EYS: variants seen among roughly 807,000 people sequenced by gnomAD.
EYS encodes protein eyes shut homolog.
In EYS, 250 loss-of-function variants were observed where a neutral mutation model predicts 282.1. That is an observed-to-expected ratio of 0.89 (90% CI 0.80 to 0.98). The LOEUF (loss-of-function observed/expected upper bound fraction) is 0.98. EYS is among the 50% of genes least tolerant of loss of function. The pLI is 0.00. For missense variants in EYS, 4,016 were observed against 3,709.0 expected, an observed-to-expected ratio of 1.08 and a Z score of -2.15; for synonymous variants, 1,355 against 1,282.9, an observed-to-expected ratio of 1.06 and a Z score of -1.20.
chr6:65,569,877 C>G (rs1434505068), intron 2 of EYS, among the ~76,000 whole-genome samples: 1 of 152,120 alleles, frequency 6.6e-6, no homozygotes, highest in Non-Finnish European at 1.5e-5. Flanking sequence ...TCAGACTGCT[C>G]TGTGTGAATT....
At chr6:64,626,411 T>C (rs1359185621) in intron 22 of EYS, among the ~76,000 whole-genome samples, 166 bp from the exon 23 acceptor site, 1 of 152,110 alleles carries the variant, frequency 6.6e-6, no homozygotes, top group Non-Finnish European at 1.5e-5. Flanking sequence ...CCCAAAACAG[T>C]ATGTCTAATA....
chr6:65,012,450 C>G (rs1771903723), intron 13 of EYS, among the ~76,000 whole-genome samples: 1 of 152,160 alleles, frequency 6.6e-6, no homozygotes, highest in Non-Finnish European at 1.5e-5. Flanking sequence ...AAACGCCTGG[C>G]TGAATACTTT....
intron 22 of EYS, among the ~76,000 whole-genome samples, chr6:64,686,838 C>CACACACATATATACGT (rs1770145716): frequency 7.1e-5 from 1 of 14,160 alleles, no homozygotes; most frequent in African/African-American, 1.5e-4. Flanking sequence ...TATATATATA[C>CACACACATATATACGT]GTGTATATAT....
Position 64,394,592 on chromosome 6 carries a change from A to C in EYS, c.5928-5752T>G, listed in dbSNP as rs542193728. 9.9e-5 allele frequency among the ~76,000 whole-genome samples: 15 copies of C among 152,150 alleles called. No homozygotes were observed. In the East Asian group the frequency reaches 2.9e-3, roughly 29 times the overall value. ...TGGCTAGCCATATGTAGAAAGCTGAAACTGGATCCCTTCCTTACACCTTAT... is the reference window on the plus strand; with the variant it reads ...TGGCTAGCCATATGTAGAAAGCTGACACTGGATCCCTTCCTTACACCTTAT... On this transcript the variant is annotated intron_variant, in intron 28 of 42. Transcript: ENST00000503581.
intron 12 of EYS, among the ~76,000 whole-genome samples, chr6:65,222,668 C>A (rs182913209): frequency 5.3e-5 from 8 of 152,260 alleles, no homozygotes; most frequent in Admixed American, 5.2e-4. Flanking sequence ...TACAAGGATG[C>A]ATATATAGTG....
chr6:64,504,547 A>C (rs1280362336), intron 26 of EYS, among the ~76,000 whole-genome samples: 1 of 152,210 alleles, frequency 6.6e-6, no homozygotes, highest in African/African-American at 2.4e-5. Context: ...TACTGCTGTC[A>C]GAAAACTCAC....
At chr6:65,028,904 C>T (rs951803058) in intron 13 of EYS, among the ~76,000 whole-genome samples, 1 of 152,060 alleles carries the variant, frequency 6.6e-6, no homozygotes, top group East Asian at 1.9e-4. Context: ...TAAGGAAGAG[C>T]TTTGCCTTTA....
At chr6:65,435,629 A>G (rs757024988) in intron 5 of EYS, among the ~76,000 whole-genome samples, 1 of 152,110 alleles carries the variant, frequency 6.6e-6, no homozygotes, top group African/African-American at 2.4e-5. Flanking sequence ...ATCTACAATT[A>G]TCTCTAAATG....
At chr6:64,411,879 T>C (rs1561980248) in intron 28 of EYS, among the ~76,000 whole-genome samples, 1 of 151,680 alleles carries the variant, frequency 6.6e-6, no homozygotes, top group Non-Finnish European at 1.5e-5. Flanking sequence ...TATATGTATG[T>C]AATATATACA....
Position 64,412,146 on chromosome 6 carries a change from A to G in EYS, c.5928-23306T>C, listed in dbSNP as rs1470035523. ...AAATATGGCCAATAAAATGTAATTAAAATCTATATATCAAAATTTTGCCTA... is the reference window on the plus strand; with the variant it reads ...AAATATGGCCAATAAAATGTAATTAGAATCTATATATCAAAATTTTGCCTA... On this transcript the variant is annotated intron_variant, in intron 28 of 42. Transcript: ENST00000503581. Among the ~76,000 whole-genome samples the G allele has an allele frequency of 2.6e-5, 4 of 151,998 alleles. No individual in the cohort carries two copies. In the East Asian group the frequency reaches 5.8e-4, roughly 22 times the overall value.
At chr6:64,765,348 CA>C (rs1773289795) in intron 22 of EYS, among the ~76,000 whole-genome samples, 1 of 152,168 alleles carries the variant, frequency 6.6e-6, no homozygotes, top group African/African-American at 2.4e-5. Context: ...CCATTTTGGT[CA>C]AAGCCATGCC....
At chr6:65,690,510 G>A (rs1236842142) in intron 1 of EYS, among the ~76,000 whole-genome samples, 2 of 150,006 alleles carry the variant, frequency 1.3e-5, no homozygotes, top group Non-Finnish European at 3.0e-5. Flanking sequence ...CTGACTGCAC[G>A]TCCATTCATA....
At chr6:64,425,657 GA>G (rs34577912) in intron 28 of EYS, among the ~76,000 whole-genome samples, 702 of 67,798 alleles carry the variant, frequency 0.01, no homozygotes, top group African/African-American at 0.019. Flanking sequence ...TCCATCCCAG[GA>G]AAAAAAAAAA....
rs1426436366 is a variant in EYS, at chr6:63,721,089, G to T, written c.8942C>A (p.Thr2981Asn). The T allele has an allele frequency of 6.4e-7, 1 of 1,551,254 alleles. No individual in the cohort carries two copies. ...AGTGGTACTGAAATTTAAGGATATAGTAGTGAACTGGAGGTTTCTCATTCT... is the reference window on the plus strand; with the variant it reads ...AGTGGTACTGAAATTTAAGGATATATTAGTGAACTGGAGGTTTCTCATTCT... Reference protein sequence around the residue: ...NYRMRNLQFTTISLNFSTTKT... With the variant: ...NYRMRNLQFTNISLNFSTTKT... The change falls in exon 43 of 43, where the codon ACT becomes AAT. Residue 2981 changes from threonine to asparagine, a missense_variant. Coordinates refer to ENST00000503581, the MANE Select transcript of EYS (RefSeq NM_001142800.2).
At chr6:65,354,558 G>T (rs1764405467) in intron 8 of EYS, among the ~76,000 whole-genome samples, 1 of 152,104 alleles carries the variant, frequency 6.6e-6, no homozygotes, top group African/African-American at 2.4e-5. Flanking sequence ...CCTCATGCCT[G>T]TAATCCTAGC....
At chr6:64,717,550 G>A (rs1423306444) in intron 22 of EYS, among the ~76,000 whole-genome samples, 1 of 152,172 alleles carries the variant, frequency 6.6e-6, no homozygotes, top group Non-Finnish European at 1.5e-5. Context: ...ACATACAGAT[G>A]AAGCTTTGCT....
At chr6:63,841,915 T>G (rs969817880) in intron 36 of EYS, among the ~76,000 whole-genome samples, 2 of 152,212 alleles carry the variant, frequency 1.3e-5, no homozygotes, top group Non-Finnish European at 2.9e-5. Context: ...CAGCTTCATC[T>G]ATGTCCTTGC....
At chr6:64,900,681 A>C (rs1248800588) in intron 18 of EYS, among the ~76,000 whole-genome samples, 1 of 152,216 alleles carries the variant, frequency 6.6e-6, no homozygotes, top group African/African-American at 2.4e-5. Context: ...CCACAATGAG[A>C]TGCCATCTCA....
chr6:63,725,780 A>G (rs1768590780), intron 42 of EYS, among the ~76,000 whole-genome samples: 1 of 152,134 alleles, frequency 6.6e-6, no homozygotes, highest in Non-Finnish European at 1.5e-5. Context: ...TTAGAGCACC[A>G]TTTTTGCTAA....
Sources: allele counts gnomAD v4.1 joint callset (sites outside exome capture counted in the v4.1 genomes callset), GRCh38; gene constraint gnomAD v4.1.1; transcripts MANE v1.5; gene names NCBI Gene and HGNC (gene_info 2026-07-23, HGNC 2026-07-21).